The following C1orf141 variants were observed in gnomAD, a reference collection of about 807,000 sequenced individuals.
The protein encoded by C1orf141 is chromosome 1 open reading frame 141, also known as uncharacterized protein C1orf141.
In C1orf141, 19 loss-of-function variants were observed where a neutral mutation model predicts 23.2. That is an observed-to-expected ratio of 0.82 (90% CI 0.57 to 1.20). The LOEUF is 1.20. Ranked by LOEUF, C1orf141 falls within the 50% of genes most tolerant of loss-of-function variation. The pLI is 0.00. For missense variants in C1orf141, 469 were observed against 455.1 expected (o/e 1.03, Z -0.28); for synonymous variants, 153 against 154.6 (o/e 0.99, Z 0.08).
intron 4 of C1orf141, chr1:67,123,061 G>C (rs555049808): frequency 5.9e-5 from 9 of 152,190 alleles, no homozygotes; most frequent in African/African-American, 2.2e-4. Context: ...ACATTAGCCG[G>C]GTGTGGTGGC....
intron 5 of C1orf141, chr1:67,103,226 C>T: frequency 1.5e-6 from 2 of 1,360,168 alleles, no homozygotes; most frequent in East Asian, 2.5e-5. Flanking sequence ...TGTAAACATG[C>T]AATTTGTATA....
intron 5 of C1orf141, among the ~76,000 whole-genome samples, chr1:67,107,321 G>A (rs1318079378): frequency 6.6e-6 from 1 of 151,742 alleles, no homozygotes; most frequent in Non-Finnish European, 1.5e-5. Context: ...CAGGAAAGAA[G>A]GAACAGAGAA....
chr1:67,094,631 C>G (rs1645631699), intron 7 of C1orf141: 1 of 152,244 alleles, frequency 6.6e-6, no homozygotes, highest in Non-Finnish European at 1.5e-5. Flanking sequence ...GTGACAATAG[C>G]ATGGGCCTCA....
At chr1:67,107,315 A>T (rs1280721402) in intron 5 of C1orf141, among the ~76,000 whole-genome samples, 1 of 152,220 alleles carries the variant, frequency 6.6e-6, no homozygotes, top group Non-Finnish European at 1.5e-5. Context: ...GAAAGGCAGG[A>T]AAGAAGGAAC....
upstream of C1orf141, among the ~76,000 whole-genome samples, chr1:67,139,451 T>C (rs10789224): frequency 0.31 from 47,825 of 152,052 alleles, 7,678 homozygotes; most frequent in Admixed American, 0.42. Flanking sequence ...GCTCAAAAAC[T>C]GCTACCTGAA....
intron 7 of C1orf141, chr1:67,093,827 T>G (rs1244454445): frequency 3.4e-6 from 1 of 294,794 alleles, no homozygotes; most frequent in African/African-American, 2.2e-5. Context: ...GTGATAAAAC[T>G]TGAACTTTTG....
chr1:67,132,321 C>A (rs916973086), intron 1 of C1orf141, among the ~76,000 whole-genome samples: 10 of 151,974 alleles, frequency 6.6e-5, no homozygotes, highest in African/African-American at 1.9e-4. Context: ...GGAGTCGAGA[C>A]CTGCCTGGCC....
upstream of C1orf141, among the ~76,000 whole-genome samples, chr1:67,135,458 A>G (rs939485762): frequency 7.2e-5 from 11 of 152,226 alleles, no homozygotes; most frequent in East Asian, 2.1e-3. Flanking sequence ...TGTGGTTAGT[A>G]AAATCACCAC....
At position 67,125,928 on chromosome 1, in the gene C1orf141, GAAAAAAAAA is replaced by G. The variant is rs11336462; in HGVS notation, c.76-28_76-20del. 1.3e-5 allele frequency: 15 copies of G among 1,183,572 alleles called. No homozygotes were observed. In the African/African-American group the frequency reaches 2.9e-4, roughly 23 times the overall value. The allele number at this position is 1,183,572 out of a possible 1,614,324, so 73.3% of individuals were successfully genotyped here. A position where few individuals can be genotyped will look rare whatever the true frequency, so the allele number is the denominator to read the frequency against. On this transcript the variant is annotated intron_variant, in intron 3 of 7. Coordinates refer to ENST00000684719, the MANE Select transcript of C1orf141 (RefSeq NM_001276351.2). ...TGTTTATCTGCAGCAATGCCAAAGT[GAAAAAAAAA>G]AAAAAAAAAAGAGTACTTTTTATAT... is the stretch of plus-strand genomic sequence containing the variant.
intron 5 of C1orf141, among the ~76,000 whole-genome samples, chr1:67,107,785 C>T (rs1570696567): frequency 6.6e-6 from 1 of 152,200 alleles, no homozygotes; most frequent in East Asian, 1.9e-4. Flanking sequence ...AGCTACTCGG[C>T]AGGCTGAGGC....
chr1:67,130,935 A>G (rs571485131), intron 2 of C1orf141, among the ~76,000 whole-genome samples: 3 of 152,348 alleles, frequency 2.0e-5, no homozygotes, highest in African/African-American at 7.2e-5. Context: ...AGGAAACACT[A>G]TAGATTAACT....
chr1:67,109,793 T>C (rs746591219), intron 5 of C1orf141, among the ~76,000 whole-genome samples: 24 of 152,256 alleles, frequency 1.6e-4, no homozygotes, highest in Admixed American at 1.2e-3. Context: ...ATGTTTGATA[T>C]TATTATCATC....
chr1:67,093,330 A>T lies in C1orf141; in HGVS notation c.878T>A (p.Val293Glu). 3 of 1,613,774 alleles carry T rather than the reference A, an allele frequency of 1.9e-6. No individual in the cohort carries two copies. Among genetic ancestry groups the T allele is most frequent in the Non-Finnish European group, 2.5e-6 (3 of 1,179,744 alleles). The change falls in exon 8 of 8, where the codon GTA (valine) becomes GAA (glutamate). Residue 293 changes from valine to glutamate, a missense_variant. Around this residue, in one of 3 missense-constraint regions of C1orf141, gnomAD observed 370 missense variants for 348.1 expected, o/e 1.06. Transcript: ENST00000684719. ...PMSFKAGHTT[V>E]DDKLKKKTNK... The stretch of plus-strand genomic sequence containing the variant: ...AGTTTTCTTCTTTAGTTTATCATCT[A>T]CAGTTGTGTGGCCCGCTTTAAAAGA...
At chr1:67,125,191 A>C (rs1437467352) in intron 4 of C1orf141, among the ~76,000 whole-genome samples, 1 of 152,202 alleles carries the variant, frequency 6.6e-6, no homozygotes, top group Non-Finnish European at 1.5e-5. Flanking sequence ...GGGCAATATA[A>C]TTGAGCTCAA....
chr1:67,110,147 T>TA (rs1646036155), intron 5 of C1orf141, among the ~76,000 whole-genome samples: 1 of 152,074 alleles, frequency 6.6e-6, no homozygotes, highest in Non-Finnish European at 1.5e-5. Context: ...ATAGTTGACT[T>TA]AAAAAATGTG....
At chr1:67,107,857 A>G (rs1302195188) in intron 5 of C1orf141, among the ~76,000 whole-genome samples, 1 of 152,140 alleles carries the variant, frequency 6.6e-6, no homozygotes, top group African/African-American at 2.4e-5. Flanking sequence ...TAAAACAAAG[A>G]GTGTCCTTCT....
At chr1:67,103,903 C>T (rs527550349) in intron 5 of C1orf141, among the ~76,000 whole-genome samples, 12 of 152,086 alleles carry the variant, frequency 7.9e-5, no homozygotes, top group South Asian at 2.1e-4. Flanking sequence ...CATATCTAGG[C>T]GCTCAAAATA....
At chr1:67,110,143 G>A (rs1260714357) in intron 5 of C1orf141, among the ~76,000 whole-genome samples, 2 of 151,976 alleles carry the variant, frequency 1.3e-5, no homozygotes, top group African/African-American at 4.8e-5. Context: ...TATAATAGTT[G>A]ACTTAAAAAA....
At chr1:67,130,109 T>C (rs778834572) in intron 2 of C1orf141, among the ~76,000 whole-genome samples, 7 of 152,206 alleles carry the variant, frequency 4.6e-5, no homozygotes, top group Non-Finnish European at 8.8e-5. Context: ...ATTATGATTA[T>C]GTGGACATAT....
Sources: gnomAD v4.1 joint callset for allele counts (sites outside exome capture counted in the v4.1 genomes callset) on GRCh38, gnomAD v4.1.1 for gene constraint, gnomAD v4.1.1 regional missense constraint, MANE v1.5 for transcripts, NCBI Gene and HGNC (gene_info 2026-07-23, HGNC 2026-07-21) for gene names.